TRIM37: variants seen among roughly 807,000 people sequenced by gnomAD.
The protein encoded by TRIM37 is tripartite motif containing 37.
In TRIM37, 80 loss-of-function variants were observed where a neutral mutation model predicts 129.8. The observed-to-expected ratio is 0.62, with a 90% CI of 0.51 to 0.74. TRIM37 has a LOEUF of 0.74. Among genes scored for constraint, TRIM37 ranks in the 30% least tolerant of loss-of-function variants. The pLI, the probability that TRIM37 is intolerant of heterozygous loss-of-function variation, is 0.00. For missense variants in TRIM37, 1,054 were observed against 1,176.5 expected (o/e 0.90, Z 1.52); for synonymous variants, 389 against 387.1 (o/e 1.00, Z -0.06).
intron 19 of TRIM37, among the ~76,000 whole-genome samples, chr17:59,019,942 A>G (rs1203899276): frequency 6.6e-6 from 1 of 152,164 alleles, no homozygotes; most frequent in Non-Finnish European, 1.5e-5. Flanking sequence ...AAAAGAATGC[A>G]TTAACAGTCT....
the TRIM37 span, among the ~76,000 whole-genome samples, chr17:58,971,598 A>C: frequency 3.3e-5 from 5 of 152,326 alleles, no homozygotes; most frequent in South Asian, 1.0e-3. Flanking sequence ...CAGGGAACGT[A>C]AGCTGTCTCT....
At chr17:58,971,092 T>C in the TRIM37 span, among the ~76,000 whole-genome samples, 1 of 152,100 alleles carries the variant, frequency 6.6e-6, no homozygotes, top group Non-Finnish European at 1.5e-5. Flanking sequence ...CTTTTCTCCT[T>C]CTTATGCTTC....
intron 2 of TRIM37, among the ~76,000 whole-genome samples, chr17:59,103,271 C>A (rs1453193008): frequency 1.3e-5 from 2 of 152,194 alleles, no homozygotes; most frequent in Non-Finnish European, 2.9e-5. Flanking sequence ...CAGTTTTCAA[C>A]TATGCTCTGT....
chr17:59,048,262 T>C (rs989978935), intron 15 of TRIM37, among the ~76,000 whole-genome samples: 4 of 152,216 alleles, frequency 2.6e-5, no homozygotes, highest in African/African-American at 9.6e-5. Flanking sequence ...ACTCAGTTTA[T>C]CAAAGGTTAA....
intron 13 of TRIM37, 77 bp downstream of exon 13, chr17:59,056,797 CA>C: frequency 2.0e-6 from 2 of 1,012,992 alleles, no homozygotes; most frequent in Non-Finnish European, 2.8e-6. Flanking sequence ...CTTTGTTAAC[CA>C]AATGATCTTT....
At position 59,049,131 on chromosome 17, in the gene TRIM37, T is replaced by G. The variant is rs763292942; in HGVS notation, c.1530+47A>C. The stretch of plus-strand genomic sequence containing the variant: ...TATGTTAAAAGCCATGATGCTACTG[T>G]TTTTTTTTAATCAAACACAAAAATC... On this transcript the variant is annotated intron_variant, in intron 15 of 23. Coordinates refer to ENST00000262294, the MANE Select transcript of TRIM37 (RefSeq NM_015294.6). 5.5e-6 allele frequency: 8 copies of G among 1,448,996 alleles called. No individual in the cohort carries two copies. In the African/African-American group the frequency reaches 8.4e-5, roughly 15 times the overall value. 89.8% of individuals were successfully genotyped at this position (1,448,996 alleles called of 1,614,324 possible).
chr17:58,985,785 A>C (rs1280452588), intron 24 of TRIM37, among the ~76,000 whole-genome samples: 1 of 152,156 alleles, frequency 6.6e-6, no homozygotes, highest in Non-Finnish European at 1.5e-5. Flanking sequence ...TTAATTTTAC[A>C]TAGTTTCAAA....
chr17:58,980,412 C>T (rs2031286289), downstream of TRIM37: 1 of 1,614,054 alleles, frequency 6.2e-7, no homozygotes, highest in Non-Finnish European at 8.5e-7. This position sits in a 1 kb window ranked among gnomAD's most constrained non-coding sequence, Gnocchi z 4.7. Context: ...GATTCATTCA[C>T]TGATAGAACT....
intron 8 of TRIM37, among the ~76,000 whole-genome samples, chr17:59,071,480 T>C (rs902689166): frequency 1.3e-5 from 2 of 151,848 alleles, no homozygotes; most frequent in East Asian, 1.9e-4. Flanking sequence ...AGAGACAGGG[T>C]TTCTCCATGT....
rs138047948 is a variant in TRIM37 at position 59,100,246 on chromosome 17, C to T, written c.123+4047G>A. On this transcript the variant is annotated intron_variant, in intron 2 of 23. Coordinates refer to ENST00000262294, the MANE Select transcript of TRIM37 (RefSeq NM_015294.6). ...ACACATCTACCACATAATCTCTATC[C>T]GTTCCATTACTAATTATTTACCCAA... 2.4e-3 allele frequency among the ~76,000 whole-genome samples: 366 copies of T among 152,218 alleles called. 4 individuals are homozygous for T. The highest frequency in any genetic ancestry group is 8.3e-3 in the African/African-American group (345 of 41,530).
rs776308090 is a variant in TRIM37, at chr17:59,056,892, A to T, written c.1182T>A (p.Asn394Lys). ...LANEGYLNPQNDTVILRFQVR... is the reference protein window; with the variant it reads ...LANEGYLNPQKDTVILRFQVR... ...CCTGTTACCTTAAAATCACTGTATC[A>T]TTTTGTGGATTCAAGTATCCTTCAT... Residue 394 changes from asparagine (N) to lysine (K), a missense_variant, in exon 13 of 24, where the codon AAT becomes AAA. Transcript: ENST00000262294. The T allele has an allele frequency of 1.2e-6, 2 of 1,613,790 alleles. No individual in the cohort carries two copies. The highest frequency in any genetic ancestry group is 3.3e-5 in the Admixed American group (2 of 59,998).
intron 2 of TRIM37, among the ~76,000 whole-genome samples, chr17:59,102,230 C>T (rs893245332): frequency 3.3e-5 from 5 of 152,024 alleles, no homozygotes; most frequent in African/African-American, 1.2e-4. Flanking sequence ...TAGAGAACGA[C>T]AGCAACAAGA....
At chr17:59,089,665 C>T (rs2044110939) in intron 3 of TRIM37, among the ~76,000 whole-genome samples, 1 of 152,034 alleles carries the variant, frequency 6.6e-6, no homozygotes, top group Non-Finnish European at 1.5e-5. Context: ...AGTAAAATTT[C>T]ATCATATAGC....
chr17:59,084,672 G>C (rs1237638329), intron 4 of TRIM37, among the ~76,000 whole-genome samples: 1 of 152,180 alleles, frequency 6.6e-6, no homozygotes, highest in African/African-American at 2.4e-5. Context: ...TTAACCCCCA[G>C]TGTGAATGTA....
intron 8 of TRIM37, chr17:59,073,267 G>A (rs1300078652): frequency 6.6e-6 from 1 of 151,670 alleles, no homozygotes; most frequent in East Asian, 1.9e-4. Context: ...ATATCACCAT[G>A]TAGCCTACAT....
chr17:59,100,081 C>A (rs1178712562), intron 2 of TRIM37, among the ~76,000 whole-genome samples: 2 of 151,910 alleles, frequency 1.3e-5, no homozygotes, highest in Admixed American at 6.6e-5. Flanking sequence ...TTTAATTTAA[C>A]CTTCATCCCT....
chr17:59,080,023 A>C, intron 6 of TRIM37, 146 bp from the exon 7 acceptor site: 1 of 873,826 alleles, frequency 1.1e-6, no homozygotes, highest in South Asian at 1.7e-5. Context: ...CTTATATTTC[A>C]AAATGGCAGA....
intron 5 of TRIM37, 128 bp downstream of exon 5, chr17:59,083,874 G>T (rs1023111194): frequency 5.2e-6 from 4 of 771,800 alleles, no homozygotes; most frequent in Non-Finnish European, 8.9e-6. Context: ...TTAATAAAGC[G>T]TATAGAAAGC....
At chr17:59,011,989 C>T (rs755636383) in intron 22 of TRIM37, among the ~76,000 whole-genome samples, 33 of 152,136 alleles carry the variant, frequency 2.2e-4, no homozygotes, top group African/African-American at 7.5e-4. Context: ...ATTTATTGAC[C>T]GAACAGATGA....
Sources: allele counts gnomAD v4.1 joint callset (sites outside exome capture counted in the v4.1 genomes callset), GRCh38; gene constraint gnomAD v4.1.1; non-coding constraint Gnocchi (gnomAD v3.1); transcripts MANE v1.5; gene names NCBI Gene and HGNC (gene_info 2026-07-23, HGNC 2026-07-21).